PIEZO2: variants seen among roughly 807,000 people sequenced by gnomAD.
The protein encoded by PIEZO2 is piezo-type mechanosensitive ion channel component 2.
A neutral mutation model predicts 337.3 loss-of-function variants in PIEZO2; 172 were observed. The ratio of observed to expected loss-of-function variants is 0.51; its 90% CI spans 0.45 to 0.58. The LOEUF is 0.58. Ranked by LOEUF, PIEZO2 falls within the 20% of genes least tolerant of loss-of-function variation. PIEZO2 has a pLI of 0.00. For missense variants in PIEZO2, 3,028 were observed against 3,391.3 expected, an observed-to-expected ratio of 0.89 and a Z score of 2.66; for synonymous variants, 1,251 against 1,228.5, an observed-to-expected ratio of 1.02 and a Z score of -0.38.
chr18:10,997,998 A>G (rs1448675179), intron 2 of PIEZO2, among the ~76,000 whole-genome samples: 2 of 152,214 alleles, frequency 1.3e-5, no homozygotes, highest in Non-Finnish European at 2.9e-5. Context: ...TAATATAACT[A>G]AAGAATGAAA....
At chr18:10,902,183 C>G (rs1307671420) in intron 4 of PIEZO2, among the ~76,000 whole-genome samples, 1 of 152,204 alleles carries the variant, frequency 6.6e-6, no homozygotes, top group Non-Finnish European at 1.5e-5. Flanking sequence ...GGAACAGTTT[C>G]CTTGAAACCA....
chr18:10,787,855 G>A (rs998508289), intron 15 of PIEZO2, among the ~76,000 whole-genome samples: 1 of 152,102 alleles, frequency 6.6e-6, no homozygotes, highest in Non-Finnish European at 1.5e-5. Context: ...TCAGTTAAAA[G>A]TGAGTCTGTG....
intron 11 of PIEZO2, among the ~76,000 whole-genome samples, chr18:10,799,972 C>CAAAAAAA (rs34096733): frequency 7.8e-6 from 1 of 128,292 alleles, no homozygotes; most frequent in African/African-American, 3.0e-5. Context: ...GACTCTGTCT[C>CAAAAAAA]AAAAAAAAAA....
intron 1 of PIEZO2, among the ~76,000 whole-genome samples, chr18:11,124,009 A>G (rs1024747163): frequency 1.3e-5 from 2 of 152,238 alleles, no homozygotes; most frequent in East Asian, 1.9e-4. Context: ...TACTTACACT[A>G]AGAACATCAT....
chr18:11,100,816 C>G (rs533775113), intron 1 of PIEZO2, among the ~76,000 whole-genome samples: 1 of 152,132 alleles, frequency 6.6e-6, no homozygotes, highest in African/African-American at 2.4e-5. Context: ...AGGATGGTCT[C>G]GATCTCCTGA....
Position 10,677,609 on chromosome 18 carries a change from G to T in PIEZO2, c.8081+138C>A. 4.8e-6 allele frequency: 5 copies of T among 1,039,834 alleles called. No homozygotes were observed. In the Admixed American group the frequency reaches 1.3e-4, roughly 27 times the overall value. 64.4% of individuals were successfully genotyped at this position (1,039,834 alleles called of 1,614,324 possible). A position where few individuals can be genotyped will look rare whatever the true frequency, so the allele number is the denominator to read the frequency against. ...TAAGTTTCTTTAATCTTGCAAAATG[G>T]GGCCTCCAAATAGAAATTAACTTTG... On this transcript the variant is annotated intron_variant, in intron 53 of 55. Coordinates refer to ENST00000674853, the MANE Select transcript of PIEZO2 (RefSeq NM_001378183.1). The surrounding 1 kb of genome is among the most constrained non-coding windows in gnomAD (Gnocchi z 4.1).
chr18:10,890,428 A>G (rs1420950728), intron 4 of PIEZO2: 1 of 152,256 alleles, frequency 6.6e-6, no homozygotes, highest in Non-Finnish European at 1.5e-5. Flanking sequence ...CGCTGCTAAT[A>G]AAGACATACC....
intron 1 of PIEZO2, among the ~76,000 whole-genome samples, chr18:11,093,802 G>A (rs952297095): frequency 8.6e-5 from 13 of 151,850 alleles, no homozygotes; most frequent in African/African-American, 3.1e-4. Flanking sequence ...AGCCTCAGTG[G>A]GCTAAATCAT....
chr18:11,118,521 T>C (rs1317890181), intron 1 of PIEZO2, among the ~76,000 whole-genome samples: 2 of 152,160 alleles, frequency 1.3e-5, no homozygotes, highest in African/African-American at 4.8e-5. Flanking sequence ...TGGATCTCAT[T>C]CAAATGCCAA....
chr18:10,786,742 G>A (rs1365959616), intron 16 of PIEZO2, among the ~76,000 whole-genome samples: 3 of 152,180 alleles, frequency 2.0e-5, no homozygotes, highest in Non-Finnish European at 2.9e-5. Context: ...GAAGAACTGA[G>A]CTCCAATGTG....
rs1255600103 is a variant in PIEZO2, at chr18:10,677,153, T to C, written c.8081+594A>G. ...TGGAAGCCCCAGCGGGCCAGCACTT[T>C]CCATGCACTGATGAGCTCCCTGTAG... On this transcript the variant is annotated intron_variant, in intron 53 of 55. Transcript: ENST00000674853. This position sits in a 1 kb window ranked among gnomAD's most constrained non-coding sequence, Gnocchi z 4.1. Among the ~76,000 whole-genome samples the C allele has an allele frequency of 6.6e-6, 1 of 152,214 alleles. No individual in the cohort carries two copies.
At position 10,795,030 on chromosome 18, in the gene PIEZO2, C is replaced by A. The variant is rs1469142522; in HGVS notation, c.1528-28G>T. On this transcript the variant is annotated intron_variant, in intron 12 of 55. Coordinates refer to ENST00000674853, the MANE Select transcript of PIEZO2 (RefSeq NM_001378183.1). This position sits in a 1 kb window ranked among gnomAD's most constrained non-coding sequence, Gnocchi z 4.4. ...CCGGAGGACAGAAAAGGAAACACGACCATGGTCAATACAATGCTCAGTCCC... is the reference window on the plus strand; with the variant it reads ...CCGGAGGACAGAAAAGGAAACACGAACATGGTCAATACAATGCTCAGTCCC... 1 of 1,527,056 alleles carries A rather than the reference C, an allele frequency of 6.5e-7. No individual in the cohort carries two copies. Among genetic ancestry groups the A allele is most frequent in the Admixed American group, 2.0e-5 (1 of 50,962 alleles). 94.6% of individuals were successfully genotyped at this position (1,527,056 alleles called of 1,614,324 possible).
At chr18:10,989,249 T>A (rs1018411722) in intron 2 of PIEZO2, among the ~76,000 whole-genome samples, 7 of 152,050 alleles carry the variant, frequency 4.6e-5, no homozygotes, top group African/African-American at 1.7e-4. Context: ...TCTATGAGAA[T>A]CATACCTCAA....
chr18:10,987,271 A>G (rs939755123), intron 2 of PIEZO2, among the ~76,000 whole-genome samples: 2 of 152,166 alleles, frequency 1.3e-5, no homozygotes, highest in South Asian at 4.1e-4. Flanking sequence ...GAGGATAAGA[A>G]CATAGCTGGA....
chr18:11,006,114 C>A (rs77100428), intron 2 of PIEZO2, among the ~76,000 whole-genome samples: 2 of 152,268 alleles, frequency 1.3e-5, no homozygotes, highest in African/African-American at 4.8e-5. Context: ...GGAAGACCCC[C>A]GGTCATCCAA....
intron 4 of PIEZO2, among the ~76,000 whole-genome samples, chr18:10,904,546 T>C (rs2043128636): frequency 6.6e-6 from 1 of 152,218 alleles, no homozygotes; most frequent in Non-Finnish European, 1.5e-5. Context: ...CCACAGGCCT[T>C]GGGCTTGGCA....
At chr18:10,933,134 T>C (rs1179885237) in intron 3 of PIEZO2, among the ~76,000 whole-genome samples, 1 of 152,000 alleles carries the variant, frequency 6.6e-6, no homozygotes, top group Admixed American at 6.6e-5. Context: ...CAAAAAACTG[T>C]AACCAGGGAC....
chr18:10,796,261 T>A (rs1486392070), intron 12 of PIEZO2, among the ~76,000 whole-genome samples: 3 of 151,454 alleles, frequency 2.0e-5, no homozygotes, highest in Non-Finnish European at 4.4e-5. Context: ...TCCCAGCTAC[T>A]CGGGAGGCTG....
chr18:10,797,958 T>C (rs913689383), intron 11 of PIEZO2, among the ~76,000 whole-genome samples: 1 of 152,214 alleles, frequency 6.6e-6, no homozygotes, highest in Non-Finnish European at 1.5e-5. Context: ...TGCTCTCTCT[T>C]ATTCTCTCAC....
Sources: allele counts gnomAD v4.1 joint callset (sites outside exome capture counted in the v4.1 genomes callset), GRCh38; gene constraint gnomAD v4.1.1; non-coding constraint Gnocchi (gnomAD v3.1); transcripts MANE v1.5; gene names NCBI Gene and HGNC (gene_info 2026-07-23, HGNC 2026-07-21).